PIEZO2: variants seen among roughly 807,000 people sequenced by gnomAD.
The protein encoded by PIEZO2 is piezo-type mechanosensitive ion channel component 2.
Under a neutral mutation model 337.3 loss-of-function variants are expected in PIEZO2, and 172 were observed. The ratio of observed to expected loss-of-function variants is 0.51; its 90% CI spans 0.45 to 0.58. The LOEUF (loss-of-function observed/expected upper bound fraction) is 0.58. Among genes scored for constraint, PIEZO2 ranks in the 20% least tolerant of loss-of-function variants. PIEZO2 has a pLI of 0.00. For synonymous variants in PIEZO2, 1,251 were observed against 1,228.5 expected, an observed-to-expected ratio of 1.02 and a Z score of -0.38; for missense variants, 3,028 against 3,391.3, an observed-to-expected ratio of 0.89 and a Z score of 2.66.
At chr18:10,938,400 C>G (rs2032520356) in intron 3 of PIEZO2, among the ~76,000 whole-genome samples, 1 of 152,222 alleles carries the variant, frequency 6.6e-6, no homozygotes, top group Non-Finnish European at 1.5e-5. Context: ...GGTCTGACCA[C>G]AAGCAAACAC....
At chr18:10,678,992 G>T (rs1201053331) in intron 52 of PIEZO2, among the ~76,000 whole-genome samples, 1 of 151,154 alleles carries the variant, frequency 6.6e-6, no homozygotes, top group Non-Finnish European at 1.5e-5. Context: ...GAGTGCAGTG[G>T]CGTGATCTCA....
Position 10,726,444 on chromosome 18 carries a change from CG to C in PIEZO2, c.5029+4962del. The C allele has an allele frequency of 6.5e-7, 1 of 1,529,700 alleles. No individual in the cohort carries two copies. The highest frequency in any genetic ancestry group is 2.0e-5 in the Admixed American group (1 of 50,470). The allele number at this position is 1,529,700 out of a possible 1,614,324, so 94.8% of individuals were successfully genotyped here. On this transcript the variant is annotated intron_variant, in intron 36 of 55. Coordinates refer to ENST00000674853, the MANE Select transcript of PIEZO2 (RefSeq NM_001378183.1). The surrounding 1 kb of genome is among the most constrained non-coding windows in gnomAD (Gnocchi z 5.9). ...GGAGGGCCGGCTGCGGTACGGGCTACGGCCGGCGAACCCCACGAGGAGGGCC... is the reference window on the plus strand; with the variant it reads ...GGAGGGCCGGCTGCGGTACGGGCTACGCCGGCGAACCCCACGAGGAGGGCC...
chr18:10,821,024 T>C lies in PIEZO2; in HGVS notation c.918-13750A>G, dbSNP rs769277445. ...GACTTCATGGAGTCTTACCTATGCA[T>C]GCACAGCTTAGAATTCAGCTAAAGT... is the stretch of plus-strand genomic sequence containing the variant. On this transcript the variant is annotated intron_variant, in intron 7 of 55. Coordinates refer to ENST00000674853, the MANE Select transcript of PIEZO2 (RefSeq NM_001378183.1). The surrounding 1 kb of genome is among the most constrained non-coding windows in gnomAD (Gnocchi z 4.2). Among the ~76,000 whole-genome samples the C allele has an allele frequency of 6.6e-6, 1 of 152,222 alleles. No homozygotes were observed. Among genetic ancestry groups the C allele is most frequent in the Non-Finnish European group, 1.5e-5 (1 of 68,034 alleles).
At chr18:10,946,300 G>C (rs1362707115) in intron 3 of PIEZO2, among the ~76,000 whole-genome samples, 1 of 151,786 alleles carries the variant, frequency 6.6e-6, no homozygotes, top group Non-Finnish European at 1.5e-5. Context: ...TGAAGTGAGA[G>C]GACAGTGGAG....
chr18:10,964,910 T>C (rs1470084823), intron 3 of PIEZO2, among the ~76,000 whole-genome samples: 1 of 152,260 alleles, frequency 6.6e-6, no homozygotes. Flanking sequence ...GGTTCCTCTA[T>C]GTTATAGCAT....
chr18:11,037,494 AT>A (rs1322223752), intron 2 of PIEZO2, among the ~76,000 whole-genome samples: 7 of 152,220 alleles, frequency 4.6e-5, no homozygotes, highest in Non-Finnish European at 1.0e-4. Context: ...ATTCACACTT[AT>A]TTTTTAAAAT....
rs1598375545 is a variant in PIEZO2, at chr18:10,701,906, G to A, written c.6441+83C>T. On this transcript the variant is annotated intron_variant, in intron 43 of 55. Coordinates refer to ENST00000674853, the MANE Select transcript of PIEZO2 (RefSeq NM_001378183.1). Reference sequence around the variant, plus strand: ...CCTCAGCCCCATCACCAATCCTGATGTCCAGGTTATCTAGGAAGATTACGG... The same window carrying A: ...CCTCAGCCCCATCACCAATCCTGATATCCAGGTTATCTAGGAAGATTACGG... The A allele has an allele frequency of 1.0e-5, 13 of 1,249,008 alleles. No individual in the cohort carries two copies. In the South Asian group the frequency reaches 1.6e-4, roughly 16 times the overall value. 77.4% of individuals were successfully genotyped at this position (1,249,008 alleles called of 1,614,324 possible).
chr18:10,701,459 T>C (rs1248187598), intron 43 of PIEZO2, among the ~76,000 whole-genome samples: 2 of 152,216 alleles, frequency 1.3e-5, no homozygotes, highest in Non-Finnish European at 2.9e-5. Context: ...TGGGTTTTAC[T>C]GGGCAACTTT....
Position 10,704,468 on chromosome 18 carries a change from T to G in PIEZO2, c.6184A>C (p.Ile2062Leu). Residue 2062 changes from isoleucine (I) to leucine (L), a missense_variant, in exon 42 of 56, where the codon ATC (isoleucine) becomes CTC (leucine). Coordinates refer to ENST00000674853, the MANE Select transcript of PIEZO2 (RefSeq NM_001378183.1). ...SMITLLLPIL[I>L]FLWAMLSVPR... ...ACGGACAACATGGCCCAGAGGAAGA[T>G]GAGGATGGGAAGCAGGAGCGTGATC... The G allele has an allele frequency of 6.5e-7, 1 of 1,537,092 alleles. No homozygotes were observed. Among genetic ancestry groups the G allele is most frequent in the Middle Eastern group, 1.7e-4 (1 of 5,990 alleles).
At chr18:10,734,073 T>G (rs1309976339) in intron 35 of PIEZO2, among the ~76,000 whole-genome samples, 3 of 152,242 alleles carry the variant, frequency 2.0e-5, no homozygotes, top group African/African-American at 7.2e-5. Flanking sequence ...TGTCCTTTGA[T>G]TCAGGTGTGG....
intron 7 of PIEZO2, among the ~76,000 whole-genome samples, chr18:10,809,260 CTTTTT>C (rs869210659): frequency 1.5e-4 from 10 of 65,832 alleles, no homozygotes; most frequent in African/African-American, 4.1e-4. Flanking sequence ...CTCTCTCTCT[CTTTTT>C]TTTTTTTTTT....
chr18:11,022,892 G>C (rs530331098), intron 2 of PIEZO2, among the ~76,000 whole-genome samples: 3 of 152,168 alleles, frequency 2.0e-5, no homozygotes, highest in Admixed American at 1.3e-4. Context: ...TCTGATGTTC[G>C]GATGTGTTCA....
At position 10,696,234 on chromosome 18, in the gene PIEZO2, C is replaced by T; in HGVS notation, c.7030G>A (p.Gly2344Arg). The T allele has an allele frequency of 1.9e-6, 3 of 1,614,214 alleles. No individual in the cohort carries two copies. The highest frequency in any genetic ancestry group is 2.2e-5 in the South Asian group (2 of 91,088). Reference protein sequence around the residue: ...TSSLSEDQVPGPFLVMVLIQF... With the variant: ...TSSLSEDQVPRPFLVMVLIQF... ...ATGAGGACCATCACCAAAAACGGCC[C>T]CGGGACCTGGTCCTCTGACAGTGAA... is the stretch of plus-strand genomic sequence containing the variant. The change falls in exon 47 of 56, where the codon GGG becomes AGG. Residue 2344 changes from glycine to arginine, a missense_variant. Around this residue, in one of 5 missense-constraint regions of PIEZO2, gnomAD observed 179 missense variants for 281.8 expected, o/e 0.64. Transcript: ENST00000674853.
intron 7 of PIEZO2, among the ~76,000 whole-genome samples, chr18:10,829,029 T>C (rs1481436850): frequency 1.9e-4 from 29 of 152,184 alleles, no homozygotes; most frequent in Non-Finnish European, 1.5e-5. Flanking sequence ...ATTTTAATGA[T>C]TTTTTAAATG....
chr18:10,822,718 C>T (rs2040555041), intron 7 of PIEZO2, among the ~76,000 whole-genome samples: 1 of 152,172 alleles, frequency 6.6e-6, no homozygotes, highest in Admixed American at 6.5e-5. Context: ...GTTATCAATG[C>T]TTCTCTTTGC....
intron 5 of PIEZO2, among the ~76,000 whole-genome samples, chr18:10,860,880 A>G (rs1424542398): frequency 2.0e-5 from 3 of 152,230 alleles, no homozygotes; most frequent in Non-Finnish European, 4.4e-5. Flanking sequence ...TTTTATAAAC[A>G]TACCACTGTA....
intron 1 of PIEZO2, among the ~76,000 whole-genome samples, chr18:11,142,971 C>T (rs570623823): frequency 2.6e-5 from 4 of 151,956 alleles, no homozygotes; most frequent in African/African-American, 7.2e-5. Context: ...CCCAGCTACT[C>T]GGGTGGCTGA....
At chr18:11,122,988 T>C (rs1393791713) in intron 1 of PIEZO2, among the ~76,000 whole-genome samples, 2 of 104,320 alleles carry the variant, frequency 1.9e-5, no homozygotes, top group Non-Finnish European at 4.9e-5. Context: ...TGCATACATA[T>C]AATGTGCGGC....
At chr18:10,964,930 C>G (rs911155487) in intron 3 of PIEZO2, among the ~76,000 whole-genome samples, 1 of 152,170 alleles carries the variant, frequency 6.6e-6, no homozygotes, top group Non-Finnish European at 1.5e-5. Flanking sequence ...TTTGCCAATA[C>G]TTTAGTTTTA....
Sources: allele counts gnomAD v4.1 joint callset (sites outside exome capture counted in the v4.1 genomes callset), GRCh38; gene constraint gnomAD v4.1.1; regional missense constraint gnomAD v4.1.1; non-coding constraint Gnocchi (gnomAD v3.1); transcripts MANE v1.5; gene names NCBI Gene and HGNC (gene_info 2026-07-23, HGNC 2026-07-21).